PALS2: variants seen among roughly 807,000 people sequenced by gnomAD.
PALS2 encodes protein PALS2.
A neutral mutation model predicts 61.6 loss-of-function variants in PALS2; 27 were observed. The observed-to-expected ratio is 0.44, with a 90% CI of 0.32 to 0.60. The LOEUF is 0.60. Ranked by LOEUF, PALS2 falls within the 20% of genes least tolerant of loss-of-function variation. PALS2 has a pLI of 0.05. For synonymous variants in PALS2, 236 were observed against 218.6 expected (o/e 1.08, Z -0.70); for missense variants, 554 against 639.4 (o/e 0.87, Z 1.44).
At chr7:24,602,155 T>G (rs1336784737) in intron 1 of PALS2, among the ~76,000 whole-genome samples, 1 of 152,150 alleles carries the variant, frequency 6.6e-6, no homozygotes, top group Non-Finnish European at 1.5e-5. Flanking sequence ...TGATTTCCAT[T>G]GAATTTTTTC....
At chr7:24,609,705 C>CT (rs1224241094) in intron 1 of PALS2, among the ~76,000 whole-genome samples, 2 of 151,932 alleles carry the variant, frequency 1.3e-5, no homozygotes, top group African/African-American at 2.4e-5. Flanking sequence ...CCTCTACTCT[C>CT]TTTTTTTTCA....
Position 24,638,322 on chromosome 7 carries a change from C to CTTTTTTTT in PALS2, c.118-3375_118-3368dup, listed in dbSNP as rs749421698. Among the ~76,000 whole-genome samples, 102 of 11,910 alleles carry CTTTTTTTT rather than the reference C, an allele frequency of 8.6e-3. 33 individuals are homozygous for CTTTTTTTT. Among genetic ancestry groups the CTTTTTTTT allele is most frequent in the Middle Eastern group, 0.045 (1 of 22 alleles). The allele number at this position is 11,910 out of a possible 152,430, so 7.8% of individuals were successfully genotyped here. On this transcript the variant is annotated intron_variant, in intron 2 of 11. Coordinates refer to ENST00000222644, the MANE Select transcript of PALS2 (RefSeq NM_001303037.2). ...TTTCTCCCTTCAATTTCTGTATTTT[C>CTTTTTTTT]TTTTTTTTTTTTTTTTTTTTTTTTT...
chr7:24,624,284 C>A, intron 2 of PALS2: 1 of 317,266 alleles, frequency 3.2e-6, no homozygotes, highest in Non-Finnish European at 5.4e-6. Flanking sequence ...GATAAGTATA[C>A]TTTACAACCA....
intron 1 of PALS2, among the ~76,000 whole-genome samples, chr7:24,611,275 C>A (rs1287823971): frequency 1.3e-5 from 2 of 151,864 alleles, no homozygotes; most frequent in Non-Finnish European, 2.9e-5. Context: ...TAAAAGCTTG[C>A]CATTTTAGTA....
intron 5 of PALS2, among the ~76,000 whole-genome samples, chr7:24,662,782 A>G (rs940857478): frequency 1.1e-4 from 6 of 53,736 alleles, no homozygotes; most frequent in African/African-American, 3.0e-4. Context: ...AAAAAAAAAA[A>G]AAAAAAAAAA....
chr7:24,636,577 G>A lies in PALS2; in HGVS notation c.118-5139G>A, dbSNP rs1487328458. 2.0e-5 allele frequency among the ~76,000 whole-genome samples: 3 copies of A among 152,074 alleles called. 1 individual carries two copies. Among genetic ancestry groups the A allele is most frequent in the African/African-American group, 7.2e-5 (3 of 41,404 alleles). On this transcript the variant is annotated intron_variant, in intron 2 of 11. Transcript: ENST00000222644. ...ATAAATATTTAAAATAATGGATATG[G>A]TAATTACCCCATTTGATCATTATAC...
In PALS2 at chr7:24,679,283, C is replaced by A. The variant is rs768508543; in HGVS notation, c.1267C>A (p.Leu423Ile). ...CTATGGAACCAAAATTGATTCTATT[C>A]TTGAGGTTGTCCAAACTGGACGGAC... ...NLYGTKIDSI[L>I]EVVQTGRTCI... Residue 423 changes from leucine to isoleucine, a missense_variant, in exon 10 of 12, where the codon CTT (leucine) becomes ATT (isoleucine). Physicochemically the swap from Leu to Ile is conservative, Grantham distance 5. Transcript: ENST00000222644. 2 of 1,614,058 alleles carry A rather than the reference C, an allele frequency of 1.2e-6. No individual in the cohort carries two copies. Among genetic ancestry groups the A allele is most frequent in the Non-Finnish European group, 1.7e-6 (2 of 1,179,946 alleles).
chr7:24,676,881 A>G (rs1001310904), intron 9 of PALS2, among the ~76,000 whole-genome samples: 1 of 150,910 alleles, frequency 6.6e-6, no homozygotes, highest in African/African-American at 2.5e-5. Context: ...TTCCATATGA[A>G]CTTTAAAGTA....
intron 10 of PALS2, 76 bp downstream of exon 10, chr7:24,679,409 G>A (rs1787799610): frequency 2.0e-6 from 3 of 1,470,958 alleles, no homozygotes; most frequent in Non-Finnish European, 2.8e-6. Context: ...CGGGGTTGTT[G>A]GGTTGGGGTT....
At chr7:24,648,063 A>G (rs932172929) in intron 3 of PALS2, among the ~76,000 whole-genome samples, 3 of 152,158 alleles carry the variant, frequency 2.0e-5, no homozygotes, top group South Asian at 2.1e-4. Context: ...ATCCTTACAT[A>G]TGGATTTATG....
chr7:24,600,050 G>A (rs1165999172), intron 1 of PALS2, among the ~76,000 whole-genome samples: 1 of 151,978 alleles, frequency 6.6e-6, no homozygotes, highest in Non-Finnish European at 1.5e-5. Context: ...TCTTCTTGCG[G>A]GGGTGTCACT....
Position 24,668,485 on chromosome 7 carries a change from C to T in PALS2, c.953-14C>T, listed in dbSNP as rs770102706. The stretch of plus-strand genomic sequence containing the variant: ...AAAAGTTGACTTTGTATTCCCATTT[C>T]CTTTTTCATTTAGAATTTGATCGTC... On this transcript the variant is annotated splice_polypyrimidine_tract_variant and intron_variant, in intron 8 of 11. Transcript: ENST00000222644. The T allele has an allele frequency of 1.2e-6, 2 of 1,606,254 alleles. No individual in the cohort carries two copies. The highest frequency in any genetic ancestry group is 2.2e-5 in the South Asian group (2 of 90,324).
chr7:24,671,409 T>C (rs965906398), intron 9 of PALS2, among the ~76,000 whole-genome samples: 1 of 152,218 alleles, frequency 6.6e-6, no homozygotes, highest in African/African-American at 2.4e-5. Context: ...GGAGGTCATA[T>C]TATATTCTGG....
chr7:24,596,330 T>C lies in PALS2; in HGVS notation c.-3+22737T>C, dbSNP rs186942036. ...TTCAGTCACCTCCATTGTGACCGAA[T>C]TGAAGAACCAGTTTATCATTGGATC... On this transcript the variant is annotated intron_variant, in intron 1 of 11. Coordinates refer to ENST00000222644, the MANE Select transcript of PALS2 (RefSeq NM_001303037.2). The surrounding 1 kb of genome is among the most constrained non-coding windows in gnomAD (Gnocchi z 4.5). 1.3e-5 allele frequency among the ~76,000 whole-genome samples: 2 copies of C among 152,258 alleles called. No individual in the cohort carries two copies. Among genetic ancestry groups the C allele is most frequent in the East Asian group, 3.9e-4 (2 of 5,184 alleles).
chr7:24,607,254 T>G (rs1783934143), intron 1 of PALS2, among the ~76,000 whole-genome samples: 1 of 152,180 alleles, frequency 6.6e-6, no homozygotes, highest in African/African-American at 2.4e-5. Context: ...GCCACACATG[T>G]CCTCAGCATT....
intron 5 of PALS2, 131 bp downstream of exon 5, chr7:24,650,843 C>T: frequency 1.5e-6 from 1 of 645,664 alleles, no homozygotes. Context: ...TCTGAAATGG[C>T]TTATTTTGTC....
intron 9 of PALS2, among the ~76,000 whole-genome samples, chr7:24,677,139 T>C (rs901780390): frequency 6.6e-6 from 1 of 152,182 alleles, no homozygotes; most frequent in African/African-American, 2.4e-5. Context: ...TTGAAGCAAT[T>C]GTGAATGGGA....
At chr7:24,664,655 A>T (rs1299096774) in intron 6 of PALS2, among the ~76,000 whole-genome samples, 2 of 152,234 alleles carry the variant, frequency 1.3e-5, no homozygotes, top group East Asian at 3.9e-4. Flanking sequence ...TTAACTTAAA[A>T]CATTATGTAT....
At position 24,636,579 on chromosome 7, in the gene PALS2, A is replaced by G. The variant is rs369407834; in HGVS notation, c.118-5137A>G. On this transcript the variant is annotated intron_variant, in intron 2 of 11. Transcript: ENST00000222644. ...AAATATTTAAAATAATGGATATGGT[A>G]ATTACCCCATTTGATCATTATACTA... Among the ~76,000 whole-genome samples, 15 of 152,312 alleles carry G rather than the reference A, an allele frequency of 9.8e-5. 1 individual carries two copies. The highest frequency in any genetic ancestry group is 7.2e-4 in the Admixed American group (11 of 15,306).
Sources: gnomAD v4.1 joint callset for allele counts (sites outside exome capture counted in the v4.1 genomes callset) on GRCh38, gnomAD v4.1.1 for gene constraint, Gnocchi (gnomAD v3.1) non-coding constraint, MANE v1.5 for transcripts, NCBI Gene and HGNC (gene_info 2026-07-23, HGNC 2026-07-21) for gene names.